KIAA1958: variants seen among roughly 807,000 people sequenced by gnomAD.
KIAA1958 encodes the protein uncharacterized protein KIAA1958.
In KIAA1958, 14 loss-of-function variants were observed where a neutral mutation model predicts 47.2. The ratio of observed to expected loss-of-function variants is 0.30; its 90% confidence interval spans 0.20 to 0.46. The LOEUF (loss-of-function observed/expected upper bound fraction) is 0.46. Among genes scored for constraint, KIAA1958 ranks in the 20% least tolerant of loss-of-function variants. KIAA1958 has a pLI of 1.00. For missense variants in KIAA1958, 803 were observed against 909.2 expected (o/e 0.88, Z 1.50); for synonymous variants, 354 against 353.3 (o/e 1.00, Z -0.02).
chr9:112,522,710 C>T (rs1283732347), intron 1 of KIAA1958, among the ~76,000 whole-genome samples: 3 of 152,180 alleles, frequency 2.0e-5, no homozygotes, highest in African/African-American at 7.2e-5. Context: ...TGGCTCCATC[C>T]TTGGTTATAG....
chr9:112,619,154 C>CA (rs1390991512), intron 2 of KIAA1958: 1 of 231,956 alleles, frequency 4.3e-6, no homozygotes, highest in African/African-American at 2.3e-5. Context: ...ATTACTGTTA[C>CA]AGACTTTACA....
intron 1 of KIAA1958, among the ~76,000 whole-genome samples, chr9:112,567,375 G>A (rs1482058991): frequency 1.3e-5 from 2 of 152,168 alleles, no homozygotes; most frequent in Non-Finnish European, 2.9e-5. Context: ...AGGGAACCAA[G>A]CTCCTTCCTG....
chr9:112,624,068 A>G (rs1395471880), intron 2 of KIAA1958, among the ~76,000 whole-genome samples: 1 of 152,228 alleles, frequency 6.6e-6, no homozygotes, highest in Non-Finnish European at 1.5e-5. Context: ...CTCCCAGATG[A>G]CAGAAGAAAT....
intron 2 of KIAA1958, among the ~76,000 whole-genome samples, chr9:112,609,162 C>A (rs1305838935): frequency 6.6e-6 from 1 of 152,144 alleles, no homozygotes; most frequent in Non-Finnish European, 1.5e-5. Flanking sequence ...TATGTGTATT[C>A]ATAAAATCAC....
intron 1 of KIAA1958, among the ~76,000 whole-genome samples, chr9:112,499,688 C>CTTTT (rs917810043): frequency 5.4e-5 from 7 of 130,540 alleles, no homozygotes; most frequent in Non-Finnish European, 1.2e-4. Context: ...ACATTTTTTT[C>CTTTT]TTTTTTTTTT....
intron 1 of KIAA1958, among the ~76,000 whole-genome samples, chr9:112,508,681 T>C (rs1233508507): frequency 6.6e-6 from 1 of 152,212 alleles, no homozygotes; most frequent in Admixed American, 6.5e-5. Flanking sequence ...TCAGCCTAGC[T>C]AGGAGGTGAA....
intron 1 of KIAA1958, among the ~76,000 whole-genome samples, chr9:112,555,556 G>T (rs538903827): frequency 6.2e-4 from 94 of 152,324 alleles, no homozygotes; most frequent in Admixed American, 2.5e-3. Context: ...GAAAGTCCAA[G>T]ATCAAGATTC....
At chr9:112,552,481 G>A (rs1334864920) in intron 1 of KIAA1958, among the ~76,000 whole-genome samples, 1 of 152,212 alleles carries the variant, frequency 6.6e-6, no homozygotes, top group African/African-American at 2.4e-5. Context: ...AACCAGGCCT[G>A]TGCCAGGGAG....
At chr9:112,649,132 T>C (rs1368602198) in intron 3 of KIAA1958, among the ~76,000 whole-genome samples, 2 of 152,188 alleles carry the variant, frequency 1.3e-5, no homozygotes, top group East Asian at 3.8e-4. Flanking sequence ...ATAGTAACTA[T>C]GTAAAATGAA....
intron 2 of KIAA1958, among the ~76,000 whole-genome samples, chr9:112,599,444 A>G (rs190977439): frequency 1.4e-3 from 219 of 152,282 alleles, no homozygotes; most frequent in Middle Eastern, 6.8e-3. Flanking sequence ...CTGTGAAAGG[A>G]CTCATTTTTA....
At chr9:112,646,798 G>A (rs1836982179) in intron 3 of KIAA1958, among the ~76,000 whole-genome samples, 2 of 152,146 alleles carry the variant, frequency 1.3e-5, no homozygotes, top group African/African-American at 2.4e-5. Context: ...AAATGCTTGA[G>A]GTTTGTAAAT....
intron 1 of KIAA1958, among the ~76,000 whole-genome samples, chr9:112,563,450 G>A (rs1835373048): frequency 6.6e-6 from 1 of 152,024 alleles, no homozygotes; most frequent in African/African-American, 2.4e-5. Context: ...GGCATCTTTT[G>A]TAAGAATTAT....
chr9:112,620,431 G>A (rs73543150), intron 2 of KIAA1958, among the ~76,000 whole-genome samples: 68 of 152,254 alleles, frequency 4.5e-4, no homozygotes, highest in African/African-American at 1.6e-3. Context: ...ATTTCATTCT[G>A]AATTGCTTTG....
intron 1 of KIAA1958, among the ~76,000 whole-genome samples, chr9:112,535,878 C>T (rs1351618009): frequency 6.6e-6 from 1 of 151,954 alleles, no homozygotes; most frequent in African/African-American, 2.4e-5. Context: ...CCATTTGTGA[C>T]TTGGTTGTGA....
rs1837325012 is a variant in KIAA1958 at position 112,664,480 on chromosome 9, G to A, written c.*4411G>A. On this transcript the variant is annotated 3_prime_UTR_variant, in exon 4 of 4. Coordinates refer to ENST00000337530, the MANE Select transcript of KIAA1958 (RefSeq NM_133465.4). ...CAAACAGTGAAGACCTCAAAGAAGA[G>A]TTACCTCATTTTCTCTACATGATCT... The A allele has an allele frequency of 6.6e-6, 1 of 152,166 alleles. No individual in the cohort carries two copies. The highest frequency in any genetic ancestry group is 2.4e-5 in the African/African-American group (1 of 41,440). The allele number at this position is 152,166 out of a possible 1,614,324, so 9.4% of individuals were successfully genotyped here. A position where few individuals can be genotyped will look rare whatever the true frequency, so the allele number is the denominator to read the frequency against.
At chr9:112,587,561 TC>T (rs1284524515) in intron 2 of KIAA1958, among the ~76,000 whole-genome samples, 1 of 152,222 alleles carries the variant, frequency 6.6e-6, no homozygotes, top group Non-Finnish European at 1.5e-5. Flanking sequence ...ATCAAGTAAA[TC>T]TGATATAATG....
At chr9:112,619,564 A>G (rs1836465152) in intron 2 of KIAA1958, among the ~76,000 whole-genome samples, 1 of 152,142 alleles carries the variant, frequency 6.6e-6, no homozygotes, top group Non-Finnish European at 1.5e-5. Flanking sequence ...TTGGGGGGAA[A>G]GGGTAGAAGG....
At chr9:112,651,482 C>T (rs1837054626) in intron 3 of KIAA1958, among the ~76,000 whole-genome samples, 1 of 151,536 alleles carries the variant, frequency 6.6e-6, no homozygotes, top group Non-Finnish European at 1.5e-5. Context: ...GCAACCTGTG[C>T]CTCCCAGGTT....
At chr9:112,498,555 GT>G (rs75094000) in intron 1 of KIAA1958, among the ~76,000 whole-genome samples, 2 of 151,942 alleles carry the variant, frequency 1.3e-5, no homozygotes, top group Admixed American at 1.3e-4. Flanking sequence ...TTCTTTTAAA[GT>G]TTTTTTATGT....
Sources: gnomAD v4.1 joint callset for allele counts (sites outside exome capture counted in the v4.1 genomes callset) on GRCh38, gnomAD v4.1.1 for gene constraint, MANE v1.5 for transcripts, NCBI Gene and HGNC (gene_info 2026-07-23, HGNC 2026-07-21) for gene names.